The following GRAP variants were observed in gnomAD, a reference collection of about 807,000 sequenced individuals.
GRAP encodes GRB2-related adapter protein.
A neutral mutation model predicts 9.1 loss-of-function variants in GRAP; 2 were observed. The observed-to-expected ratio is 0.22, with a 90% CI of 0.09 to 0.69. GRAP has a LOEUF of 0.69. Ranked by LOEUF, GRAP falls within the 30% of genes least tolerant of loss-of-function variation. The pLI is 0.81. For synonymous variants in GRAP, 68 were observed against 73.6 expected, an observed-to-expected ratio of 0.92 and a Z score of 0.39; for missense variants, 113 against 179.4, an observed-to-expected ratio of 0.63 and a Z score of 2.12.
chr17:19,025,487 C>G (rs2152171571), intron 3 of GRAP, among the ~76,000 whole-genome samples: 1 of 138,828 alleles, frequency 7.2e-6, no homozygotes, highest in East Asian at 2.3e-4. Context: ...CCACTGCGCC[C>G]AGCCACGGAT....
upstream of GRAP, among the ~76,000 whole-genome samples, chr17:19,048,160 A>C (rs1023702000): frequency 6.8e-5 from 8 of 118,182 alleles, no homozygotes; most frequent in African/African-American, 2.4e-4. Flanking sequence ...TCTCCTTCTC[A>C]AAAAAAAAAA....
intron 3 of GRAP, among the ~76,000 whole-genome samples, chr17:19,025,090 C>T (rs182750946): frequency 1.3e-5 from 2 of 152,300 alleles, no homozygotes; most frequent in Non-Finnish European, 2.9e-5. Context: ...TCTCATTTCC[C>T]GTCTGTGCCC....
chr17:19,027,477 C>T (rs1264200946), intron 3 of GRAP, among the ~76,000 whole-genome samples: 4 of 88,768 alleles, frequency 4.5e-5, no homozygotes, highest in African/African-American at 1.3e-4. Context: ...CATGCGCGCG[C>T]GCGCGCGCAC....
upstream of GRAP, among the ~76,000 whole-genome samples, chr17:19,049,570 A>G (rs1156922445): frequency 1.8e-5 from 1 of 56,084 alleles, no homozygotes; most frequent in East Asian, 4.0e-4. Context: ...GCACTTTGGG[A>G]GGTCAAGGCA....
chr17:19,027,484 GCACACACACACA>G (rs776285201), intron 3 of GRAP, among the ~76,000 whole-genome samples: 1 of 121,114 alleles, frequency 8.3e-6, no homozygotes, highest in African/African-American at 3.1e-5. Flanking sequence ...GCGCGCGCGC[GCACACACACACA>G]CACACACACA....
At chr17:19,027,551 G>A (rs1165421021) in intron 3 of GRAP, among the ~76,000 whole-genome samples, 2 of 138,198 alleles carry the variant, frequency 1.4e-5, no homozygotes, top group Non-Finnish European at 3.1e-5. Flanking sequence ...GTTGTAAATT[G>A]AAATCTGGTT....
chr17:19,021,585 T>A lies in GRAP; in HGVS notation c.*374A>T. On this transcript the variant is annotated 3_prime_UTR_variant, in exon 5 of 5. Transcript: ENST00000284154. This position sits in a 1 kb window ranked among gnomAD's most constrained non-coding sequence, Gnocchi z 4.1. ...CAGCCCAAGGTGAACCCACCCACCATGGCCAGGGTTCCTTAGGTTGAGCCT... is the reference window on the plus strand; with the variant it reads ...CAGCCCAAGGTGAACCCACCCACCAAGGCCAGGGTTCCTTAGGTTGAGCCT... 2.7e-6 allele frequency: 1 copy of A among 376,570 alleles called. No homozygotes were observed. The highest frequency in any genetic ancestry group is 4.7e-6 in the Non-Finnish European group (1 of 212,082). The allele number at this position is 376,570 out of a possible 1,614,324, so 23.3% of individuals were successfully genotyped here.
intron 4 of GRAP, among the ~76,000 whole-genome samples, chr17:19,023,637 C>A (rs1210313220): frequency 8.9e-6 from 1 of 112,286 alleles, no homozygotes; most frequent in African/African-American, 3.3e-5. Context: ...CCCGACCCCC[C>A]ACCCCCCACC....
intron 4 of GRAP, among the ~76,000 whole-genome samples, chr17:19,022,802 G>T (rs1412017552): frequency 1.3e-5 from 2 of 152,158 alleles, no homozygotes; most frequent in African/African-American, 4.8e-5. Context: ...GGCCCTGCCT[G>T]CCCACCAAGA....
At position 19,024,585 on chromosome 17, in the gene GRAP, T is replaced by C. The variant is rs988480418; in HGVS notation, c.300-202A>G. On this transcript the variant is annotated intron_variant, in intron 3 of 4. Coordinates refer to ENST00000284154, the MANE Select transcript of GRAP (RefSeq NM_006613.4). The surrounding 1 kb of genome is among the most constrained non-coding windows in gnomAD (Gnocchi z 4.2). ...TCCCATCTGGCAGTGGAATATGGGG[T>C]TAATTTAAGGGTGTGGGCTCTGAAC... The C allele has an allele frequency of 6.9e-5, 28 of 407,526 alleles. 2 individuals carry two copies. The East Asian group carries it at 9.6e-4, about 14-fold the overall frequency. 25.2% of individuals were successfully genotyped at this position (407,526 alleles called of 1,614,324 possible).
At chr17:19,029,959 C>T (rs1159846194) in intron 3 of GRAP, among the ~76,000 whole-genome samples, 1 of 60,300 alleles carries the variant, frequency 1.7e-5, no homozygotes, top group East Asian at 2.0e-4. Context: ...GGTGTGAGAG[C>T]GTCTCCATTG....
Position 19,021,784 on chromosome 17 carries a change from GGACCTGGGCCATCCCA to G in GRAP, c.*159_*174del, listed in dbSNP as rs2044268143. ...ACCCTTGCTGGGTACCCTTGCTGGG[GGACCTGGGCCATCCCA>G]GTTTGTGCAGAGCGGCCGGAGGCAG... is the stretch of plus-strand genomic sequence containing the variant. On this transcript the variant is annotated 3_prime_UTR_variant, in exon 5 of 5. Transcript: ENST00000284154. This position sits in a 1 kb window ranked among gnomAD's most constrained non-coding sequence, Gnocchi z 4.1. The G allele has an allele frequency of 1.9e-6, 1 of 529,646 alleles. No homozygotes were observed. Among genetic ancestry groups the G allele is most frequent in the African/African-American group, 2.0e-5 (1 of 50,886 alleles). The allele number at this position is 529,646 out of a possible 1,614,324, so 32.8% of individuals were successfully genotyped here. A position where few individuals can be genotyped will look rare whatever the true frequency, so the allele number is the denominator to read the frequency against.
chr17:19,023,351 C>T (rs2044288019), intron 4 of GRAP, among the ~76,000 whole-genome samples: 1 of 152,136 alleles, frequency 6.6e-6, no homozygotes, highest in South Asian at 2.1e-4. Context: ...CAAGATTTGG[C>T]TGGAGCTTCT....
chr17:19,025,215 G>T (rs537477427), intron 3 of GRAP, among the ~76,000 whole-genome samples: 3 of 137,596 alleles, frequency 2.2e-5, no homozygotes, highest in Non-Finnish European at 4.7e-5. Context: ...TTTTTGAGGC[G>T]GAGTCTCGCT....
intron 4 of GRAP, among the ~76,000 whole-genome samples, chr17:19,023,364 T>C (rs1254426583): frequency 1.3e-5 from 2 of 152,082 alleles, no homozygotes; most frequent in Non-Finnish European, 1.5e-5. Context: ...GAGCTTCTCT[T>C]CAGCGGTTAT....
intron 3 of GRAP, among the ~76,000 whole-genome samples, chr17:19,025,260 C>T (rs553860530): frequency 2.0e-5 from 3 of 148,140 alleles, no homozygotes; most frequent in South Asian, 2.1e-4. Context: ...GGCGCTATCT[C>T]GGCTCACTGC....
chr17:19,022,334 C>T (rs1352975954), intron 4 of GRAP, 190 bp from the exon 5 acceptor site: 1 of 454,702 alleles, frequency 2.2e-6, no homozygotes, highest in African/African-American at 2.0e-5. Flanking sequence ...CCCTGCCTGT[C>T]TGCTGTGCAG....
Position 19,020,672 on chromosome 17 carries a change from A to G in GRAP, c.*1287T>C, listed in dbSNP as rs750176265. ...CAGTCAGCATTGGAAGGAAAATTAG[A>G]TTTCTGACGGACATCCTGATGTTGG... On this transcript the variant is annotated 3_prime_UTR_variant, in exon 5 of 5. Transcript: ENST00000284154. The G allele has an allele frequency of 5.4e-6, 3 of 552,822 alleles. No individual in the cohort carries two copies. Among genetic ancestry groups the G allele is most frequent in the Non-Finnish European group, 6.5e-6 (2 of 307,918 alleles). 34.2% of individuals were successfully genotyped at this position (552,822 alleles called of 1,614,324 possible).
chr17:19,024,697 T>C lies in GRAP; in HGVS notation c.300-314A>G, dbSNP rs1051096172. Among the ~76,000 whole-genome samples, 27 of 152,330 alleles carry C rather than the reference T, an allele frequency of 1.8e-4. No individual in the cohort carries two copies. The highest frequency in any genetic ancestry group is 3.7e-4 in the Non-Finnish European group (25 of 68,036). On this transcript the variant is annotated intron_variant, in intron 3 of 4. Coordinates refer to ENST00000284154, the MANE Select transcript of GRAP (RefSeq NM_006613.4). This position sits in a 1 kb window ranked among gnomAD's most constrained non-coding sequence, Gnocchi z 4.2. ...TCTCATAATGATAACATCTCCGTTA[T>C]GGATAAGTGCACAGTGACTGGCATA... is the stretch of plus-strand genomic sequence containing the variant.
Sources: gnomAD v4.1 joint callset for allele counts (sites outside exome capture counted in the v4.1 genomes callset) on GRCh38, gnomAD v4.1.1 for gene constraint, Gnocchi (gnomAD v3.1) non-coding constraint, MANE v1.5 for transcripts, NCBI Gene and HGNC (gene_info 2026-07-23, HGNC 2026-07-21) for gene names.